The following FBXL2 variants were observed in gnomAD, a reference collection of about 807,000 sequenced individuals.
The protein encoded by FBXL2 is F-box and leucine rich repeat protein 2.
In FBXL2, 38 loss-of-function variants were observed where a neutral mutation model predicts 69.2. The observed-to-expected ratio is 0.55, with a 90% CI of 0.42 to 0.72. FBXL2 has a LOEUF of 0.72. FBXL2 is among the 30% of genes least tolerant of loss of function. The pLI, the probability that FBXL2 is intolerant of heterozygous loss-of-function variation, is 0.00. For missense variants in FBXL2, 354 were observed against 520.3 expected, an observed-to-expected ratio of 0.68 and a Z score of 3.11; for synonymous variants, 192 against 201.3, an observed-to-expected ratio of 0.95 and a Z score of 0.39.
rs1240140465 is a variant in FBXL2 at position 33,378,283 on chromosome 3, T to C, written c.894+136T>C. ...ACCTCAGTGGCAGGGCTTGGAAACC[T>C]GTGAAGGCCATGGCAGTGGATGCGT... On this transcript the variant is annotated intron_variant, in intron 12 of 14. Coordinates refer to ENST00000484457, the MANE Select transcript of FBXL2 (RefSeq NM_012157.5). 4 of 870,308 alleles carry C rather than the reference T, an allele frequency of 4.6e-6. No individual in the cohort carries two copies. In the East Asian group the frequency reaches 7.6e-5, roughly 17 times the overall value. 53.9% of individuals were successfully genotyped at this position (870,308 alleles called of 1,614,324 possible).
downstream of FBXL2, among the ~76,000 whole-genome samples, chr3:33,404,462 A>G (rs2044360519): frequency 6.7e-6 from 1 of 150,130 alleles, no homozygotes; most frequent in Non-Finnish European, 1.5e-5. Context: ...ACTCTCCCAA[A>G]GCCAAGCTAA....
chr3:33,380,555 TAAAA>T (rs57394351), intron 13 of FBXL2, among the ~76,000 whole-genome samples: 2 of 97,316 alleles, frequency 2.1e-5, no homozygotes, highest in Non-Finnish European at 2.3e-5. Context: ...CAAAACTCCA[TAAAA>T]AAAAAAAAAA....
At chr3:33,391,819 C>T (rs956163165), downstream of FBXL2, 1 of 152,224 alleles carries the variant, frequency 6.6e-6, no homozygotes, top group African/African-American at 2.4e-5. Flanking sequence ...CATTACTACT[C>T]CTTTGTTTAA....
chr3:33,316,308 C>T (rs1252618603), intron 2 of FBXL2, among the ~76,000 whole-genome samples: 1 of 152,182 alleles, frequency 6.6e-6, no homozygotes, highest in South Asian at 2.1e-4. Flanking sequence ...ATCCACCCAC[C>T]TCAGCCTCCC....
chr3:33,416,543 C>G, the FBXL2 span, among the ~76,000 whole-genome samples: 8 of 152,284 alleles, frequency 5.3e-5, no homozygotes, highest in East Asian at 1.5e-3. Flanking sequence ...CTACAACTAA[C>G]TTTTCTATTG....
intron 2 of FBXL2, among the ~76,000 whole-genome samples, chr3:33,315,934 G>C (rs1649445415): frequency 6.6e-6 from 1 of 151,932 alleles, no homozygotes; most frequent in Non-Finnish European, 1.5e-5. Flanking sequence ...TTTCCTCTTA[G>C]TCATCGCCAT....
At chr3:33,285,166 C>T (rs1188473452) in intron 1 of FBXL2, among the ~76,000 whole-genome samples, 1 of 152,212 alleles carries the variant, frequency 6.6e-6, no homozygotes, top group Non-Finnish European at 1.5e-5. Flanking sequence ...CATGTTTTTG[C>T]AGTGGCTGGT....
chr3:33,403,180 A>G (rs1167711965), intron 12 of FBXL2: 2 of 333,958 alleles, frequency 6.0e-6, no homozygotes, highest in Non-Finnish European at 1.1e-5. Flanking sequence ...ATGCTTAAGT[A>G]TAATTGCTTT....
intron 10 of FBXL2, among the ~76,000 whole-genome samples, 159 bp downstream of exon 10, chr3:33,375,577 A>G (rs1278163212): frequency 1.3e-5 from 2 of 152,194 alleles, no homozygotes; most frequent in Non-Finnish European, 2.9e-5. Flanking sequence ...GGGCGTGTAT[A>G]AATCCAGTTC....
intron 2 of FBXL2, among the ~76,000 whole-genome samples, chr3:33,353,466 A>G (rs2154038926): frequency 6.6e-6 from 1 of 152,378 alleles, no homozygotes; most frequent in East Asian, 1.9e-4. Context: ...GTAAGTTATC[A>G]TGCCATGAAT....
Position 33,395,259 on chromosome 3 carries a change from C to G in FBXL2, n.1215-7975C>G, listed in dbSNP as rs550765841. ...TCCAATTTTTCAGTAAAATTCAAACCACAAGACATTTTTCAGAGCTCTACC... is the reference window on the plus strand; with the variant it reads ...TCCAATTTTTCAGTAAAATTCAAACGACAAGACATTTTTCAGAGCTCTACC... On this transcript the variant is annotated intron_variant and non_coding_transcript_variant, in intron 12 of 12. Transcript: ENST00000463736. Among the ~76,000 whole-genome samples the G allele has an allele frequency of 1.6e-4, 25 of 151,972 alleles. No individual in the cohort carries two copies. The South Asian group carries it at 4.8e-3, about 29-fold the overall frequency.
At position 33,364,644 on chromosome 3, in the gene FBXL2, T is replaced by C. The variant is rs754966205; in HGVS notation, c.215T>C (p.Ile72Thr). Residue 72 changes from isoleucine (I) to threonine (T), a missense_variant, in exon 5 of 15, where the codon ATC becomes ACC. Ile to Thr is a moderately conservative substitution (Grantham distance 89). Transcript: ENST00000484457. ...TTAAAGGGTCGAGTGGTGGAAAATA[T>C]CTCGAAGCGATGCGGTGGATTCCTG... ...TDVEGRVVEN[I>T]SKRCGGFLRK... 4 of 1,614,188 alleles carry C rather than the reference T, an allele frequency of 2.5e-6. No homozygotes were observed. The highest frequency in any genetic ancestry group is 3.3e-5 in the Admixed American group (2 of 60,004).
chr3:33,340,915 AAAAAG>A (rs1467197348), intron 2 of FBXL2, among the ~76,000 whole-genome samples: 4 of 151,548 alleles, frequency 2.6e-5, no homozygotes, highest in Non-Finnish European at 4.4e-5. Flanking sequence ...AAAAAAAAAA[AAAAAG>A]AAGAGGAAGT....
At chr3:33,281,254 C>T (rs2033971387) in intron 1 of FBXL2, among the ~76,000 whole-genome samples, 1 of 151,588 alleles carries the variant, frequency 6.6e-6, no homozygotes, top group Admixed American at 6.6e-5. Flanking sequence ...TCCAAGTGTT[C>T]TCATTGTTCA....
the FBXL2 span, among the ~76,000 whole-genome samples, chr3:33,418,204 TCAA>T: frequency 6.6e-6 from 1 of 152,160 alleles, no homozygotes; most frequent in Non-Finnish European, 1.5e-5. Flanking sequence ...GAAATAAAAA[TCAA>T]CAAAAGGTTT....
In FBXL2 at chr3:33,356,722, G is replaced by T. The variant is rs190852619; in HGVS notation, c.66-2245G>T. Among the ~76,000 whole-genome samples, 316 of 152,252 alleles carry T rather than the reference G, an allele frequency of 2.1e-3. 3 individuals are homozygous for T. The highest frequency in any genetic ancestry group is 4.2e-3 in the Admixed American group (64 of 15,286). ...AAAAGTTGTTTTTGGGAACTCTTACGGGTTTCCAGAAGTAGCATTGATTAG... is the reference window on the plus strand; with the variant it reads ...AAAAGTTGTTTTTGGGAACTCTTACTGGTTTCCAGAAGTAGCATTGATTAG... On this transcript the variant is annotated intron_variant, in intron 2 of 14. Transcript: ENST00000484457.
At chr3:33,305,867 T>C (rs1422005833) in intron 2 of FBXL2, among the ~76,000 whole-genome samples, 4 of 151,982 alleles carry the variant, frequency 2.6e-5, no homozygotes, top group Admixed American at 6.6e-5. Flanking sequence ...TAAACTCTGC[T>C]GTATCTGTTG....
intron 2 of FBXL2, among the ~76,000 whole-genome samples, chr3:33,299,859 A>G (rs754562037): frequency 6.6e-6 from 1 of 152,220 alleles, no homozygotes; most frequent in Non-Finnish European, 1.5e-5. Flanking sequence ...TATGTTTGCC[A>G]TATAAACCCA....
At chr3:33,288,742 A>G (rs2034919635) in intron 1 of FBXL2, among the ~76,000 whole-genome samples, 1 of 152,184 alleles carries the variant, frequency 6.6e-6, no homozygotes, top group African/African-American at 2.4e-5. Flanking sequence ...AGGGAGTCAA[A>G]TCATGTAGGA....
Sources: allele counts gnomAD v4.1 joint callset (sites outside exome capture counted in the v4.1 genomes callset), GRCh38; gene constraint gnomAD v4.1.1; transcripts MANE v1.5; gene names NCBI Gene and HGNC (gene_info 2026-07-23, HGNC 2026-07-21).